The following LTBP2 variants were observed in gnomAD, a reference collection of about 807,000 sequenced individuals.
LTBP2 encodes the protein latent-transforming growth factor beta-binding protein 2.
In LTBP2, 103 loss-of-function variants were observed where a neutral mutation model predicts 210.6. The observed-to-expected ratio is 0.49, with a 90% CI of 0.42 to 0.58. The LOEUF (loss-of-function observed/expected upper bound fraction) is 0.58, where lower values mean the gene tolerates loss of function less well. Among genes scored for constraint, LTBP2 ranks in the 20% least tolerant of loss-of-function variants. LTBP2 has a pLI of 0.00. For missense variants in LTBP2, 2,313 were observed against 2,494.5 expected, an observed-to-expected ratio of 0.93 and a Z score of 1.55; for synonymous variants, 1,007 against 1,015.0, an observed-to-expected ratio of 0.99 and a Z score of 0.15.
chr14:74,516,906 C>T lies in LTBP2; in HGVS notation c.2824G>A (p.Gly942Arg), dbSNP rs564631121. The T allele has an allele frequency of 1.9e-5, 30 of 1,551,934 alleles. No homozygotes were observed. The highest frequency in any genetic ancestry group is 1.7e-4 in the Middle Eastern group (1 of 5,992). Reference sequence around the variant, plus strand: ...CCCTCGGTGTTGGTGCACTGCCCCCCGCTGCACACCCCTGGCTGCTCACAC... The same window carrying T: ...CCCTCGGTGTTGGTGCACTGCCCCCTGCTGCACACCCCTGGCTGCTCACAC... Reference protein sequence around the residue: ...NECEQPGVCSGGQCTNTEGSY... With the variant: ...NECEQPGVCSRGQCTNTEGSY... Residue 942 changes from glycine to arginine, a missense_variant, in exon 18 of 36, where the codon GGG (glycine) becomes AGG (arginine). Physicochemically the swap from Gly to Arg is moderately radical, Grantham distance 125. Around this residue, in one of 3 missense-constraint regions of LTBP2, gnomAD observed 1,867 missense variants for 1,976.9 expected, o/e 0.94. Coordinates refer to ENST00000261978, the MANE Select transcript of LTBP2 (RefSeq NM_000428.3).
Position 74,585,985 on chromosome 14 carries a change from C to T in LTBP2, c.699G>A (p.Arg233=), listed in dbSNP as rs1008460712. The change falls in exon 3 of 36, where the codon AGG becomes AGA. Residue 233 remains arginine (R), a synonymous_variant. Coordinates refer to ENST00000261978, the MANE Select transcript of LTBP2 (RefSeq NM_000428.3). ...PDEEFDPQNS[R]LAPRRWAERS... ...GCTCGGCCCAGCGTCGAGGTGCCAGCCTGGAGTTCTGGGGGTCAAATTCCT... is the reference window on the plus strand; with the variant it reads ...GCTCGGCCCAGCGTCGAGGTGCCAGTCTGGAGTTCTGGGGGTCAAATTCCT... The T allele has an allele frequency of 6.2e-7, 1 of 1,612,470 alleles. No individual in the cohort carries two copies. Among genetic ancestry groups the T allele is most frequent in the Admixed American group, 1.7e-5 (1 of 59,706 alleles).
Position 74,538,237 on chromosome 14 carries a change from G to A in LTBP2, c.1790-2237C>T, listed in dbSNP as rs574100917. Among the ~76,000 whole-genome samples, 11 of 152,126 alleles carry A rather than the reference G, an allele frequency of 7.2e-5. No individual in the cohort carries two copies. The South Asian group carries it at 2.1e-3, about 29-fold the overall frequency. ...CTCTCTGGGCACTTACACACTTAGC[G>A]CAAGGTTTGTTATTAGTAATGGCCT... On this transcript the variant is annotated intron_variant, in intron 8 of 35. Coordinates refer to ENST00000261978, the MANE Select transcript of LTBP2 (RefSeq NM_000428.3).
intron 2 of LTBP2, among the ~76,000 whole-genome samples, chr14:74,599,122 T>C (rs1360816508): frequency 6.6e-6 from 1 of 152,234 alleles, no homozygotes; most frequent in Non-Finnish European, 1.5e-5. Flanking sequence ...TATAGATTGT[T>C]ATGCCCATTT....
At chr14:74,536,946 A>G (rs1362740211) in intron 8 of LTBP2, among the ~76,000 whole-genome samples, 1 of 152,184 alleles carries the variant, frequency 6.6e-6, no homozygotes, top group Non-Finnish European at 1.5e-5. Context: ...TATACTTCAC[A>G]TACATAGTTA....
At chr14:74,523,329 G>C (rs1341984931) in intron 15 of LTBP2, among the ~76,000 whole-genome samples, 1 of 152,124 alleles carries the variant, frequency 6.6e-6, no homozygotes, top group Non-Finnish European at 1.5e-5. Flanking sequence ...GGTGCTTGGG[G>C]AAAACTGCCA....
intron 2 of LTBP2, among the ~76,000 whole-genome samples, chr14:74,596,254 TAA>T (rs1289850982): frequency 4.0e-5 from 6 of 149,804 alleles, no homozygotes; most frequent in African/African-American, 7.4e-5. Flanking sequence ...AATAAATAAA[TAA>T]ATAAATAAAA....
chr14:74,512,804 G>A (rs768620848), intron 18 of LTBP2, among the ~76,000 whole-genome samples: 6 of 152,212 alleles, frequency 3.9e-5, no homozygotes, highest in Non-Finnish European at 5.9e-5. Context: ...CTTGAGTTGT[G>A]GTGACACCAG....
Position 74,503,204 on chromosome 14 carries a change from T to C in LTBP2, c.4888+15A>G. 6.2e-7 allele frequency: 1 copy of C among 1,613,564 alleles called. No homozygotes were observed. Among genetic ancestry groups the C allele is most frequent in the East Asian group, 2.2e-5 (1 of 44,866 alleles). ...TGGCCCAGCCCTGCAGGGTATCCCC[T>C]TTGCTCCCCCTCACCAGAGCTCCTC... On this transcript the variant is annotated intron_variant, in intron 33 of 35. Transcript: ENST00000261978.
At chr14:74,510,033 G>T in intron 20 of LTBP2, 58 bp downstream of exon 20, 1 of 1,613,432 alleles carries the variant, frequency 6.2e-7, no homozygotes, top group African/African-American at 1.3e-5. Flanking sequence ...TGTGCAGAGG[G>T]GAGGGAGCCA....
chr14:74,597,760 A>T (rs1342680921), intron 2 of LTBP2, among the ~76,000 whole-genome samples: 1 of 152,048 alleles, frequency 6.6e-6, no homozygotes, highest in Non-Finnish European at 1.5e-5. Context: ...GAGGTCATAT[A>T]ATTATTACCC....
At position 74,500,441 on chromosome 14, in the gene LTBP2, A is replaced by G; in HGVS notation, c.*443T>C. 2.7e-6 allele frequency: 1 copy of G among 365,800 alleles called. No individual in the cohort carries two copies. The highest frequency in any genetic ancestry group is 5.2e-6 in the Non-Finnish European group (1 of 193,986). 22.7% of individuals were successfully genotyped at this position (365,800 alleles called of 1,614,324 possible). A position where few individuals can be genotyped will look rare whatever the true frequency, so the allele number is the denominator to read the frequency against. On this transcript the variant is annotated 3_prime_UTR_variant, in exon 36 of 36. Transcript: ENST00000261978. ...GCTTCCCCAAATCCTTTCTTGCTCCACAGATTCTGAAGGACCTCCCTAGGG... is the reference window on the plus strand; with the variant it reads ...GCTTCCCCAAATCCTTTCTTGCTCCGCAGATTCTGAAGGACCTCCCTAGGG...
chr14:74,551,906 T>C (rs917594291), intron 6 of LTBP2, among the ~76,000 whole-genome samples: 14 of 152,194 alleles, frequency 9.2e-5, no homozygotes, highest in Non-Finnish European at 1.8e-4. Context: ...CCCAGGCCCA[T>C]GGATTCCTTG....
At chr14:74,541,854 C>T (rs1471229961) in intron 8 of LTBP2, among the ~76,000 whole-genome samples, 1 of 152,130 alleles carries the variant, frequency 6.6e-6, no homozygotes, top group African/African-American at 2.4e-5. Context: ...ACCAAAGTGC[C>T]GGGCAGAACT....
chr14:74,528,568 G>C lies in LTBP2; in HGVS notation c.2283C>G (p.Ser761Arg). 3 of 1,613,300 alleles carry C rather than the reference G, an allele frequency of 1.9e-6. No individual in the cohort carries two copies. The highest frequency in any genetic ancestry group is 1.7e-6 in the Non-Finnish European group (2 of 1,180,044). The stretch of plus-strand genomic sequence containing the variant: ...TCTCTGCTGGCCCGGGCAGTGCCCC[G>C]CTGCTCCTCTGCCCTTGCTCCCTTG... ...RPPREQGQRS[S>R]GALPGPAERQ... The change falls in exon 12 of 36, where the codon AGC becomes AGG. Residue 761 changes from serine to arginine, a missense_variant. Ser to Arg is a moderately radical substitution (Grantham distance 110). This residue lies in a region of LTBP2 where 1,867 missense variants were observed against 1,976.9 expected (regional missense o/e 0.94). Coordinates refer to ENST00000261978, the MANE Select transcript of LTBP2 (RefSeq NM_000428.3).
At chr14:74,567,171 G>C (rs550583908) in intron 3 of LTBP2, among the ~76,000 whole-genome samples, 1 of 152,114 alleles carries the variant, frequency 6.6e-6, no homozygotes, top group Non-Finnish European at 1.5e-5. Context: ...CCTGCAGCCC[G>C]GTCCCCCCTC....
rs148276528 is a variant in LTBP2 at position 74,579,054 on chromosome 14, G to C, written c.830+6800C>G. Among the ~76,000 whole-genome samples, 1,420 of 152,198 alleles carry C rather than the reference G, an allele frequency of 9.3e-3. 27 individuals carry two copies. The highest frequency in any genetic ancestry group is 0.033 in the African/African-American group (1,365 of 41,520). On this transcript the variant is annotated intron_variant, in intron 3 of 35. Transcript: ENST00000261978. ...GTATTTTTAGTAGAGACGGGGTTTC[G>C]CCATGTTGGCCAGGCTCGTCTCGAA...
rs1054365266 is a variant in LTBP2, at chr14:74,499,267, T to C, written c.*1617A>G. ...TTTTTACATGCGTAAGAGTGACTTA[T>C]TTTTGTCTGCTGAAAACATCTCAAT... On this transcript the variant is annotated 3_prime_UTR_variant, in exon 36 of 36. Coordinates refer to ENST00000261978, the MANE Select transcript of LTBP2 (RefSeq NM_000428.3). The C allele has an allele frequency of 2.3e-5, 5 of 218,734 alleles. No individual in the cohort carries two copies. The highest frequency in any genetic ancestry group is 4.6e-5 in the Non-Finnish European group (5 of 108,794). 13.5% of individuals were successfully genotyped at this position (218,734 alleles called of 1,614,324 possible). A position where few individuals can be genotyped will look rare whatever the true frequency, so the allele number is the denominator to read the frequency against.
At position 74,507,173 on chromosome 14, in the gene LTBP2, A is replaced by G. The variant is rs1341243639; in HGVS notation, c.3907+6T>C. 3 of 1,613,730 alleles carry G rather than the reference A, an allele frequency of 1.9e-6. No individual in the cohort carries two copies. The highest frequency in any genetic ancestry group is 2.5e-6 in the Non-Finnish European group (3 of 1,179,912). The stretch of plus-strand genomic sequence containing the variant: ...TCTCTCCTCTCTCTCCTCCCTCCCT[A>G]CTCACCAATGCAGTCTCCGTTCGGG... On this transcript the variant is annotated splice_donor_region_variant and intron_variant, in intron 26 of 35. Coordinates refer to ENST00000261978, the MANE Select transcript of LTBP2 (RefSeq NM_000428.3).
intron 13 of LTBP2, 95 bp downstream of exon 13, chr14:74,527,252 C>G: frequency 1.4e-6 from 2 of 1,435,052 alleles, no homozygotes; most frequent in Non-Finnish European, 1.9e-6. Context: ...TCTCCCTCTC[C>G]CTCCCTCATG....
Sources: allele counts gnomAD v4.1 joint callset (sites outside exome capture counted in the v4.1 genomes callset), GRCh38; gene constraint gnomAD v4.1.1; regional missense constraint gnomAD v4.1.1; transcripts MANE v1.5; gene names NCBI Gene and HGNC (gene_info 2026-07-23, HGNC 2026-07-21).